MTBP: variants seen among roughly 807,000 people sequenced by gnomAD.
MTBP encodes MDM2 binding protein.
Under a neutral mutation model 117.0 loss-of-function variants are expected in MTBP, and 101 were observed. The observed-to-expected ratio is 0.86, with a 90% CI of 0.73 to 1.02. The LOEUF is 1.02. Ranked by LOEUF, MTBP falls within the 50% of genes least tolerant of loss-of-function variation. The pLI is 0.00. For synonymous variants in MTBP, 350 were observed against 351.5 expected, an observed-to-expected ratio of 1.00 and a Z score of 0.05; for missense variants, 970 against 1,030.9, an observed-to-expected ratio of 0.94 and a Z score of 0.81.
At chr8:120,491,211 A>G (rs772754648) in intron 13 of MTBP, among the ~76,000 whole-genome samples, 1 of 152,086 alleles carries the variant, frequency 6.6e-6, no homozygotes, top group Non-Finnish European at 1.5e-5. Context: ...AATTGATTCA[A>G]ATTGTGAGTT....
At chr8:120,502,882 C>T (rs1200511231) in intron 15 of MTBP, among the ~76,000 whole-genome samples, 1 of 152,168 alleles carries the variant, frequency 6.6e-6, no homozygotes, top group Non-Finnish European at 1.5e-5. Context: ...CTTCCATAGA[C>T]ATACACAGTA....
intron 10 of MTBP, among the ~76,000 whole-genome samples, chr8:120,469,100 C>T (rs1455613952): frequency 1.3e-5 from 2 of 152,104 alleles, no homozygotes; most frequent in East Asian, 3.9e-4. Flanking sequence ...GGCTGGAGTG[C>T]AGTGGCTCAA....
At chr8:120,492,483 T>C (rs1432221784) in intron 13 of MTBP, among the ~76,000 whole-genome samples, 1 of 152,138 alleles carries the variant, frequency 6.6e-6, no homozygotes, top group Non-Finnish European at 1.5e-5. Flanking sequence ...GTAAAGAATA[T>C]AATGGGAACA....
In MTBP at chr8:120,485,755, T is replaced by G. The variant is rs1377490268; in HGVS notation, c.1166-2404T>G. Among the ~76,000 whole-genome samples, 2 of 152,196 alleles carry G rather than the reference T, an allele frequency of 1.3e-5. 1 individual carries two copies. Among genetic ancestry groups the G allele is most frequent in the African/African-American group, 4.8e-5 (2 of 41,452 alleles). On this transcript the variant is annotated intron_variant, in intron 11 of 21. Transcript: ENST00000305949. ...ATATATTGTAGCTATTGGTTAATAA[T>G]TTATCTCCCCCCTTATTAGGTTTGT... is the stretch of plus-strand genomic sequence containing the variant.
intron 11 of MTBP, among the ~76,000 whole-genome samples, chr8:120,482,120 C>A (rs1236281660): frequency 2.5e-5 from 1 of 39,254 alleles, no homozygotes; most frequent in African/African-American, 4.0e-5. Context: ...TGGGGTGGAC[C>A]CAGGGTGTCA....
chr8:120,461,148 A>G lies in MTBP; in HGVS notation c.883-13A>G, dbSNP rs1813574236. ...GGTATTTAAATATTACACAATTTTAATTTCTTTTCTAGGTTTTCCATTATT... is the reference window on the plus strand; with the variant it reads ...GGTATTTAAATATTACACAATTTTAGTTTCTTTTCTAGGTTTTCCATTATT... On this transcript the variant is annotated splice_polypyrimidine_tract_variant and intron_variant, in intron 8 of 21. Coordinates refer to ENST00000305949, the MANE Select transcript of MTBP (RefSeq NM_022045.5). The G allele has an allele frequency of 4.6e-6, 7 of 1,521,380 alleles. No individual in the cohort carries two copies. Among genetic ancestry groups the G allele is most frequent in the South Asian group, 1.1e-5 (1 of 88,548 alleles). The allele number at this position is 1,521,380 out of a possible 1,614,324, so 94.2% of individuals were successfully genotyped here. A position where few individuals can be genotyped will look rare whatever the true frequency, so the allele number is the denominator to read the frequency against.
chr8:120,508,891 A>T lies in MTBP; in HGVS notation c.1884-1043A>T, dbSNP rs531049829. On this transcript the variant is annotated intron_variant, in intron 16 of 21. Coordinates refer to ENST00000305949, the MANE Select transcript of MTBP (RefSeq NM_022045.5). ...TCCAGCTCAGAGAAGGACGGCACCT[A>T]TCGGAATAATCCAGAGAGCTTAATC... is the stretch of plus-strand genomic sequence containing the variant. Among the ~76,000 whole-genome samples, 9 of 152,314 alleles carry T rather than the reference A, an allele frequency of 5.9e-5. No homozygotes were observed. The South Asian group carries it at 6.2e-4, about 11-fold the overall frequency.
At chr8:120,490,419 A>G (rs769057441) in intron 12 of MTBP, 44 bp from the exon 13 acceptor site, 2 of 1,246,122 alleles carry the variant, frequency 1.6e-6, no homozygotes, top group South Asian at 2.6e-5. Context: ...ATTGTTGGCA[A>G]AGGGCATCAT....
At chr8:120,491,400 A>T (rs928792322) in intron 13 of MTBP, among the ~76,000 whole-genome samples, 1 of 152,146 alleles carries the variant, frequency 6.6e-6, no homozygotes, top group Non-Finnish European at 1.5e-5. Context: ...AAAGATTGCA[A>T]ACTTTTTCAA....
chr8:120,448,487 G>A, intron 2 of MTBP, among the ~76,000 whole-genome samples: 1 of 151,974 alleles, frequency 6.6e-6, no homozygotes, highest in East Asian at 1.9e-4. Context: ...TATCACATGG[G>A]TTTACACTGG....
intron 13 of MTBP, among the ~76,000 whole-genome samples, chr8:120,495,957 A>G (rs1814445195): frequency 6.6e-6 from 1 of 152,126 alleles, no homozygotes. Context: ...AATAATACCC[A>G]CTTCTCCCCC....
At chr8:120,496,335 C>T (rs964657585) in intron 13 of MTBP, among the ~76,000 whole-genome samples, 12 of 152,180 alleles carry the variant, frequency 7.9e-5, no homozygotes, top group Admixed American at 4.6e-4. Context: ...GCTGCCTCTC[C>T]CCCTCAACAC....
chr8:120,510,396 A>G (rs2130613094), intron 17 of MTBP, among the ~76,000 whole-genome samples: 2 of 152,224 alleles, frequency 1.3e-5, no homozygotes, highest in South Asian at 4.1e-4. Context: ...TCAATACTAG[A>G]TATTTTTCCA....
At chr8:120,471,701 A>G (rs1329129734) in intron 11 of MTBP, 1 of 152,094 alleles carries the variant, frequency 6.6e-6, no homozygotes. Context: ...ATAACCCCAT[A>G]TACTTATTTT....
chr8:120,455,993 A>G (rs1173728225), intron 6 of MTBP, among the ~76,000 whole-genome samples: 1 of 152,146 alleles, frequency 6.6e-6, no homozygotes, highest in Admixed American at 6.5e-5. Context: ...ATCCTTAAAC[A>G]TTCAGTTGGA....
At chr8:120,478,678 T>C (rs1304142756) in intron 11 of MTBP, among the ~76,000 whole-genome samples, 1 of 152,232 alleles carries the variant, frequency 6.6e-6, no homozygotes, top group African/African-American at 2.4e-5. Context: ...AGATAATGAC[T>C]GATAAAATGT....
At chr8:120,470,136 GC>G (rs936871390) in intron 10 of MTBP, among the ~76,000 whole-genome samples, 70 of 152,100 alleles carry the variant, frequency 4.6e-4, no homozygotes, top group Non-Finnish European at 5.3e-4. Context: ...GTTTTATTCA[GC>G]CCTTAATAAA....
chr8:120,488,071 T>G lies in MTBP; in HGVS notation c.1166-88T>G, dbSNP rs923241379. Reference sequence around the variant, plus strand: ...GCTTGTTTTAAAATAACAAAAAATTTTATTATATCCTATGGATCAAATGTA... The same window carrying G: ...GCTTGTTTTAAAATAACAAAAAATTGTATTATATCCTATGGATCAAATGTA... On this transcript the variant is annotated intron_variant, in intron 11 of 21. Coordinates refer to ENST00000305949, the MANE Select transcript of MTBP (RefSeq NM_022045.5). 9.9e-6 allele frequency: 11 copies of G among 1,114,838 alleles called. No homozygotes were observed. The African/African-American group carries it at 1.2e-4, about 12-fold the overall frequency. 69.1% of individuals were successfully genotyped at this position (1,114,838 alleles called of 1,614,324 possible).
chr8:120,482,809 C>T (rs1586955146), intron 11 of MTBP, among the ~76,000 whole-genome samples: 1 of 151,934 alleles, frequency 6.6e-6, no homozygotes, highest in Admixed American at 6.6e-5. Flanking sequence ...AAGCGATTCT[C>T]CTGCCTCAGC....
Sources: gnomAD v4.1 joint callset for allele counts (sites outside exome capture counted in the v4.1 genomes callset) on GRCh38, gnomAD v4.1.1 for gene constraint, MANE v1.5 for transcripts, NCBI Gene and HGNC (gene_info 2026-07-23, HGNC 2026-07-21) for gene names.